DOK5: variants seen among roughly 807,000 people sequenced by gnomAD.
DOK5 encodes docking protein 5, also known as downstream of tyrosine kinase 5.
Under a neutral mutation model 43.3 loss-of-function variants are expected in DOK5, and 27 were observed. The observed-to-expected ratio is 0.62, with a 90% CI of 0.46 to 0.86. DOK5 has a LOEUF of 0.86. Among genes scored for constraint, DOK5 ranks in the 40% least tolerant of loss-of-function variants. The pLI, the probability that DOK5 is intolerant of heterozygous loss-of-function variation, is 0.00. For missense variants in DOK5, 373 were observed against 392.9 expected (o/e 0.95, Z 0.43); for synonymous variants, 146 against 140.1 (o/e 1.04, Z -0.30).
At chr20:54,571,385 G>A (rs1283891847) in intron 2 of DOK5, among the ~76,000 whole-genome samples, 1 of 152,174 alleles carries the variant, frequency 6.6e-6, no homozygotes, top group Non-Finnish European at 1.5e-5. Flanking sequence ...CTCAAATCCA[G>A]GAGGTGCCAT....
intron 4 of DOK5, among the ~76,000 whole-genome samples, chr20:54,590,198 C>T (rs1985935618): frequency 6.6e-6 from 1 of 152,088 alleles, no homozygotes; most frequent in African/African-American, 2.4e-5. Flanking sequence ...GCTTTCTGTG[C>T]CTCAGTTTCC....
At chr20:54,616,788 T>C (rs1031435767) in intron 6 of DOK5, among the ~76,000 whole-genome samples, 5 of 139,780 alleles carry the variant, frequency 3.6e-5, no homozygotes, top group Non-Finnish European at 6.1e-5. Context: ...TTTTTTCTTT[T>C]TTTTTTTTTT....
chr20:54,604,415 C>G (rs1986400753), intron 5 of DOK5, among the ~76,000 whole-genome samples: 4 of 151,896 alleles, frequency 2.6e-5, no homozygotes, highest in Admixed American at 2.6e-4. Context: ...ACACCCACCC[C>G]TCTTCTCAAC....
intron 1 of DOK5, among the ~76,000 whole-genome samples, chr20:54,512,922 A>G (rs931130135): frequency 1.8e-4 from 28 of 152,218 alleles, no homozygotes; most frequent in African/African-American, 6.3e-4. Flanking sequence ...TTATTTCCTC[A>G]TAACAAACTC....
At chr20:54,488,422 G>A (rs1982027291) in intron 1 of DOK5, among the ~76,000 whole-genome samples, 1 of 152,136 alleles carries the variant, frequency 6.6e-6, no homozygotes, top group Admixed American at 6.5e-5. Context: ...CATTTAAGTT[G>A]ACTCCTCACA....
At chr20:54,497,035 T>G (rs774956012) in intron 1 of DOK5, among the ~76,000 whole-genome samples, 3 of 152,208 alleles carry the variant, frequency 2.0e-5, no homozygotes, top group Non-Finnish European at 4.4e-5. Context: ...ATTGTGATTC[T>G]GGACACGTTA....
At chr20:54,483,072 C>T (rs6023278) in intron 1 of DOK5, among the ~76,000 whole-genome samples, 3,847 of 152,198 alleles carry the variant, frequency 0.025, 162 homozygotes, top group African/African-American at 0.084. Context: ...GTATTTCAGT[C>T]GTCTTCATCT....
intron 1 of DOK5, among the ~76,000 whole-genome samples, chr20:54,548,806 A>G (rs1436753413): frequency 6.6e-6 from 1 of 152,206 alleles, no homozygotes; most frequent in Non-Finnish European, 1.5e-5. Flanking sequence ...TAGTTCCCAC[A>G]TGCTATCATA....
chr20:54,631,264 T>A (rs2146816709), intron 6 of DOK5, among the ~76,000 whole-genome samples: 1 of 152,174 alleles, frequency 6.6e-6, no homozygotes, highest in East Asian at 1.9e-4. Context: ...AATACAAAAA[T>A]TAGCCAGGCA....
intron 6 of DOK5, among the ~76,000 whole-genome samples, chr20:54,624,552 T>C (rs12106178): frequency 0.065 from 9,860 of 152,202 alleles, 1,083 homozygotes; most frequent in African/African-American, 0.23. Flanking sequence ...CCAAGTCCAG[T>C]TCTCTCCTAA....
intron 6 of DOK5, among the ~76,000 whole-genome samples, chr20:54,614,558 T>C (rs983009750): frequency 1.3e-5 from 2 of 152,232 alleles, no homozygotes; most frequent in Admixed American, 6.5e-5. Context: ...TGCATGCTCA[T>C]GCACATGTTT....
At chr20:54,638,685 G>A (rs752983930) in intron 6 of DOK5, among the ~76,000 whole-genome samples, 3 of 151,944 alleles carry the variant, frequency 2.0e-5, no homozygotes, top group African/African-American at 4.8e-5. Flanking sequence ...TAGGTTATAC[G>A]GGGTCAGGAG....
intron 5 of DOK5, among the ~76,000 whole-genome samples, chr20:54,595,339 A>T (rs537319339): frequency 5.4e-5 from 8 of 147,388 alleles, no homozygotes; most frequent in South Asian, 2.1e-4. Flanking sequence ...GACTCCATTT[A>T]AAAAAAAAAA....
intron 2 of DOK5, among the ~76,000 whole-genome samples, chr20:54,581,512 C>A (rs1173288536): frequency 6.6e-6 from 1 of 151,376 alleles, no homozygotes; most frequent in Non-Finnish European, 1.5e-5. Context: ...GTCTTTCAAT[C>A]TATGAAAACA....
chr20:54,589,359 T>G lies in DOK5; in HGVS notation c.409+553T>G, dbSNP rs1985912367. Among the ~76,000 whole-genome samples the G allele has an allele frequency of 2.0e-5, 3 of 152,332 alleles. No individual in the cohort carries two copies. The South Asian group carries it at 6.2e-4, about 32-fold the overall frequency. On this transcript the variant is annotated intron_variant, in intron 4 of 7. Transcript: ENST00000262593. ...TTCAATATAATTCAAACTTTATGACTATTTCACCAAATTTAAACCCATCTA... is the reference window on the plus strand; with the variant it reads ...TTCAATATAATTCAAACTTTATGACGATTTCACCAAATTTAAACCCATCTA...
intron 1 of DOK5, among the ~76,000 whole-genome samples, chr20:54,500,540 A>G (rs1982554364): frequency 6.6e-6 from 1 of 151,128 alleles, no homozygotes; most frequent in South Asian, 2.1e-4. Flanking sequence ...ACATATTTAC[A>G]ATGTCATACC....
chr20:54,572,841 A>G (rs950150712), intron 2 of DOK5, among the ~76,000 whole-genome samples: 2 of 152,202 alleles, frequency 1.3e-5, no homozygotes, highest in African/African-American at 4.8e-5. Flanking sequence ...TGGTCCAACC[A>G]TGGATGTGTT....
chr20:54,629,672 C>T (rs1337275668), intron 6 of DOK5, among the ~76,000 whole-genome samples: 1 of 152,180 alleles, frequency 6.6e-6, no homozygotes, highest in Non-Finnish European at 1.5e-5. Flanking sequence ...TACTACATTG[C>T]TGTGGGTGGA....
chr20:54,504,129 A>G (rs1056716631), intron 1 of DOK5, among the ~76,000 whole-genome samples: 2 of 152,062 alleles, frequency 1.3e-5, no homozygotes, highest in African/African-American at 4.8e-5. Context: ...TCACCTTCCC[A>G]CATCCTACAA....
Sources: allele counts gnomAD v4.1 joint callset (sites outside exome capture counted in the v4.1 genomes callset), GRCh38; gene constraint gnomAD v4.1.1; transcripts MANE v1.5; gene names NCBI Gene and HGNC (gene_info 2026-07-23, HGNC 2026-07-21).